CREB5: variants seen among roughly 807,000 people sequenced by gnomAD.
CREB5 encodes the protein cyclic AMP-responsive element-binding protein 5.
A neutral mutation model predicts 57.1 loss-of-function variants in CREB5; 19 were observed. The observed-to-expected ratio is 0.33, with a 90% CI of 0.23 to 0.49. The LOEUF (loss-of-function observed/expected upper bound fraction) is 0.49. Among genes scored for constraint, CREB5 ranks in the 20% least tolerant of loss-of-function variants. The pLI, the probability that CREB5 is intolerant of heterozygous loss-of-function variation, is 0.99. For synonymous variants in CREB5, 238 were observed against 238.3 expected, an observed-to-expected ratio of 1.00 and a Z score of 0.01; for missense variants, 579 against 671.6, an observed-to-expected ratio of 0.86 and a Z score of 1.52.
intron 5 of CREB5, among the ~76,000 whole-genome samples, chr7:28,645,421 G>C (rs1225576225): frequency 6.6e-6 from 1 of 152,188 alleles, no homozygotes; most frequent in Non-Finnish European, 1.5e-5. Context: ...TTTGAATAGA[G>C]CTGGTTGTTA....
At chr7:28,770,213 A>G (rs1583704553) in intron 7 of CREB5, among the ~76,000 whole-genome samples, 1 of 152,372 alleles carries the variant, frequency 6.6e-6, no homozygotes, top group East Asian at 1.9e-4. Flanking sequence ...ACAGGGCTTC[A>G]GCTTCAACTT....
At chr7:28,475,294 G>T (rs1156650730) in intron 1 of CREB5, among the ~76,000 whole-genome samples, 2 of 108,658 alleles carry the variant, frequency 1.8e-5, no homozygotes, top group Admixed American at 1.4e-4. Context: ...TTTTAGGCTA[G>T]GCGTGGTGGC....
intron 1 of CREB5, among the ~76,000 whole-genome samples, chr7:28,352,144 A>G (rs759224670): frequency 6.6e-6 from 1 of 152,222 alleles, no homozygotes; most frequent in Non-Finnish European, 1.5e-5. Context: ...ATCATTTTTC[A>G]TAGAGTCTTT....
intron 4 of CREB5, among the ~76,000 whole-genome samples, chr7:28,564,531 A>G (rs1018881146): frequency 2.0e-5 from 3 of 152,214 alleles, no homozygotes; most frequent in Middle Eastern, 3.2e-3. Flanking sequence ...GCTCAGGAGT[A>G]TGCAATCAAG....
chr7:28,577,385 C>A (rs1406817721), intron 5 of CREB5, among the ~76,000 whole-genome samples: 1 of 152,160 alleles, frequency 6.6e-6, no homozygotes, highest in Non-Finnish European at 1.5e-5. Context: ...GAGAAGCCCA[C>A]GGCAGTAAAA....
intron 1 of CREB5, among the ~76,000 whole-genome samples, chr7:28,441,802 CTT>C (rs1049238015): frequency 6.6e-6 from 1 of 152,014 alleles, no homozygotes; most frequent in African/African-American, 2.4e-5. Flanking sequence ...AAGTCAAGCT[CTT>C]TATGGTTTTT....
At chr7:28,486,919 T>A (rs934624781) in intron 1 of CREB5, among the ~76,000 whole-genome samples, 4 of 151,504 alleles carry the variant, frequency 2.6e-5, no homozygotes, top group African/African-American at 9.7e-5. Flanking sequence ...AGCCTGGCAA[T>A]ACAGCAAGAC....
intron 5 of CREB5, among the ~76,000 whole-genome samples, chr7:28,657,207 A>G (rs1389488543): frequency 6.6e-6 from 1 of 152,156 alleles, no homozygotes; most frequent in Non-Finnish European, 1.5e-5. Context: ...TTTTCATGCC[A>G]TGTGTTGGAG....
At chr7:28,778,171 T>C (rs1403790657) in intron 7 of CREB5, among the ~76,000 whole-genome samples, 1 of 152,192 alleles carries the variant, frequency 6.6e-6, no homozygotes, top group African/African-American at 2.4e-5. Flanking sequence ...TATAAGAAAA[T>C]ACTAAGAACT....
chr7:28,634,187 G>A (rs1488677316), intron 5 of CREB5, among the ~76,000 whole-genome samples: 1 of 152,038 alleles, frequency 6.6e-6, no homozygotes, highest in Admixed American at 6.5e-5. Context: ...GCTTTAATCT[G>A]CCCATCCAGC....
intron 1 of CREB5, among the ~76,000 whole-genome samples, chr7:28,391,852 T>C (rs1176178071): frequency 6.6e-6 from 1 of 152,220 alleles, no homozygotes; most frequent in African/African-American, 2.4e-5. Flanking sequence ...TTTTGGGGTC[T>C]GCTTCCCACT....
intron 1 of CREB5, among the ~76,000 whole-genome samples, chr7:28,402,184 G>A (rs1330209357): frequency 1.3e-5 from 2 of 152,190 alleles, no homozygotes; most frequent in East Asian, 1.9e-4. Flanking sequence ...ATTTTTTAAT[G>A]TGTCTGTTGG....
intron 5 of CREB5, among the ~76,000 whole-genome samples, chr7:28,684,812 C>T (rs1452921576): frequency 6.6e-6 from 1 of 152,108 alleles, no homozygotes. Flanking sequence ...AGCGAACTTC[C>T]CATTTTCATG....
intron 5 of CREB5, among the ~76,000 whole-genome samples, chr7:28,704,941 G>A (rs1298306903): frequency 6.6e-6 from 1 of 152,146 alleles, no homozygotes; most frequent in East Asian, 1.9e-4. Context: ...TCTTGCTGGT[G>A]TATTCATATT....
chr7:28,785,701 G>C (rs1054561066), intron 7 of CREB5, among the ~76,000 whole-genome samples: 5 of 152,156 alleles, frequency 3.3e-5, no homozygotes, highest in Non-Finnish European at 7.4e-5. Flanking sequence ...GGCTGTGCTA[G>C]GCCCCTCTGC....
intron 1 of CREB5, among the ~76,000 whole-genome samples, chr7:28,380,387 C>A (rs1327644959): frequency 6.6e-6 from 1 of 152,172 alleles, no homozygotes; most frequent in Non-Finnish European, 1.5e-5. Flanking sequence ...TCCCTTCCTG[C>A]CATTTATTTT....
chr7:28,571,196 T>C (rs1347975506), intron 5 of CREB5, among the ~76,000 whole-genome samples: 2 of 152,130 alleles, frequency 1.3e-5, no homozygotes, highest in Non-Finnish European at 2.9e-5. Context: ...ATCATGCTAC[T>C]CAGAATGGTG....
At chr7:28,706,502 G>A (rs1583584405) in intron 5 of CREB5, among the ~76,000 whole-genome samples, 1 of 152,160 alleles carries the variant, frequency 6.6e-6, no homozygotes, top group Admixed American at 6.5e-5. Context: ...TGTCTACAGG[G>A]AAGCCATACT....
chr7:28,464,797 G>A (rs998710372), intron 1 of CREB5, among the ~76,000 whole-genome samples: 2 of 151,612 alleles, frequency 1.3e-5, no homozygotes, highest in African/African-American at 2.4e-5. Flanking sequence ...TGGGTTCTTT[G>A]CAGTTCATGC....
Sources: gnomAD v4.1 joint callset for allele counts (sites outside exome capture counted in the v4.1 genomes callset) on GRCh38, gnomAD v4.1.1 for gene constraint, MANE v1.5 for transcripts, NCBI Gene and HGNC (gene_info 2026-07-23, HGNC 2026-07-21) for gene names.